NELL1: variants seen among roughly 807,000 people sequenced by gnomAD.
NELL1 encodes the protein neural EGFL like 1.
In NELL1, 76 loss-of-function variants were observed where a neutral mutation model predicts 107.4. The ratio of observed to expected loss-of-function variants is 0.71; its 90% CI spans 0.59 to 0.86. The LOEUF (loss-of-function observed/expected upper bound fraction) is 0.86, where lower values mean the gene tolerates loss of function less well. NELL1 is among the 40% of genes least tolerant of loss of function. The probability of loss-of-function intolerance (pLI) is 0.00; values close to 1 mark genes in which losing one functional copy is unlikely to be tolerated. For missense variants in NELL1, 1,024 were observed against 1,005.5 expected (o/e 1.02, Z -0.25); for synonymous variants, 353 against 341.2 (o/e 1.03, Z -0.38).
intron 12 of NELL1, among the ~76,000 whole-genome samples, chr11:21,109,345 C>A (rs1054805577): frequency 2.6e-5 from 4 of 152,050 alleles, no homozygotes; most frequent in Non-Finnish European, 5.9e-5. Flanking sequence ...TAAAATAGTT[C>A]GTCCTTCCAG....
intron 12 of NELL1, among the ~76,000 whole-genome samples, chr11:21,091,926 G>T (rs751635741): frequency 2.0e-5 from 3 of 152,198 alleles, no homozygotes; most frequent in Admixed American, 2.0e-4. Flanking sequence ...AGGGGGCCTA[G>T]TGTAAGGATG....
intron 12 of NELL1, among the ~76,000 whole-genome samples, chr11:21,033,173 T>G (rs907396591): frequency 1.3e-5 from 2 of 152,212 alleles, no homozygotes; most frequent in Non-Finnish European, 2.9e-5. Context: ...GCTGCTTTAT[T>G]ATGATTTATC....
At chr11:20,760,145 T>A (rs1240734202) in intron 2 of NELL1, among the ~76,000 whole-genome samples, 1 of 152,196 alleles carries the variant, frequency 6.6e-6, no homozygotes, top group East Asian at 1.9e-4. Context: ...GGTAGGTTGC[T>A]TACAGCTATA....
chr11:21,319,641 C>T lies in NELL1; in HGVS notation c.1550-51212C>T, dbSNP rs1235707734. Among the ~76,000 whole-genome samples, 6 of 151,490 alleles carry T rather than the reference C, an allele frequency of 4.0e-5. No individual in the cohort carries two copies. In the South Asian group the frequency reaches 8.3e-4, roughly 21 times the overall value. The stretch of plus-strand genomic sequence containing the variant: ...ACAAGCGTGTGTCACCGCGCCCAGC[C>T]GGAAACTATTCAAAAACAAACTCTT... On this transcript the variant is annotated intron_variant, in intron 14 of 19. Coordinates refer to ENST00000357134, the MANE Select transcript of NELL1 (RefSeq NM_006157.5).
intron 14 of NELL1, among the ~76,000 whole-genome samples, chr11:21,362,200 G>T (rs545150933): frequency 3.6e-4 from 55 of 152,300 alleles, no homozygotes; most frequent in African/African-American, 1.3e-3. Context: ...CTGATATAAT[G>T]CTCTCCCACT....
At chr11:20,886,482 A>C (rs904752384) in intron 5 of NELL1, among the ~76,000 whole-genome samples, 8 of 152,148 alleles carry the variant, frequency 5.3e-5, no homozygotes, top group African/African-American at 1.7e-4. Context: ...TTTAAAATTC[A>C]GCATTGTACT....
intron 13 of NELL1, among the ~76,000 whole-genome samples, chr11:21,127,807 C>T (rs1447309555): frequency 6.6e-6 from 1 of 152,164 alleles, no homozygotes; most frequent in African/African-American, 2.4e-5. Flanking sequence ...ATTTCATAAG[C>T]ATTGCCCAAA....
chr11:20,805,805 G>A (rs550320566), intron 3 of NELL1, among the ~76,000 whole-genome samples: 1 of 152,164 alleles, frequency 6.6e-6, no homozygotes, highest in Non-Finnish European at 1.5e-5. Context: ...CCTGGCCAAC[G>A]CATTATTTTA....
At chr11:21,337,645 A>C (rs538499400) in intron 14 of NELL1, among the ~76,000 whole-genome samples, 48 of 152,322 alleles carry the variant, frequency 3.2e-4, no homozygotes, top group African/African-American at 1.0e-3. Flanking sequence ...TATTTAGAGA[A>C]TGATGTCTCT....
chr11:20,692,139 A>T (rs1297553875), intron 2 of NELL1, among the ~76,000 whole-genome samples: 12 of 151,530 alleles, frequency 7.9e-5, no homozygotes, highest in Non-Finnish European at 1.6e-4. Context: ...TATCCCCTTT[A>T]TCATTTTTTA....
At chr11:20,718,717 C>T (rs947300896) in intron 2 of NELL1, among the ~76,000 whole-genome samples, 5 of 152,132 alleles carry the variant, frequency 3.3e-5, no homozygotes, top group African/African-American at 1.2e-4. Flanking sequence ...CTGTAATCTT[C>T]GTTAGTCTGG....
At chr11:20,789,306 A>C (rs553101827) in intron 3 of NELL1, among the ~76,000 whole-genome samples, 17 of 152,218 alleles carry the variant, frequency 1.1e-4, no homozygotes, top group Non-Finnish European at 2.1e-4. Flanking sequence ...GCACATTCAG[A>C]TACACCGGCT....
intron 15 of NELL1, among the ~76,000 whole-genome samples, chr11:21,388,232 A>T (rs548335205): frequency 1.3e-5 from 2 of 151,804 alleles, no homozygotes; most frequent in African/African-American, 4.8e-5. Flanking sequence ...GCATTTCTAC[A>T]TCGGGGCAGT....
chr11:20,824,114 C>T (rs2134028262), intron 3 of NELL1, among the ~76,000 whole-genome samples: 1 of 151,158 alleles, frequency 6.6e-6, no homozygotes, highest in African/African-American at 2.4e-5. Flanking sequence ...ATGCTGTTCT[C>T]ATGATAGTGA....
intron 13 of NELL1, chr11:21,169,988 G>A: frequency 7.5e-7 from 1 of 1,324,908 alleles, no homozygotes; most frequent in Non-Finnish European, 1.1e-6. Flanking sequence ...TGCAATGCGG[G>A]CTCCTCAGGC....
At chr11:21,214,631 GT>G (rs1857574071) in intron 13 of NELL1, among the ~76,000 whole-genome samples, 2 of 152,106 alleles carry the variant, frequency 1.3e-5, no homozygotes, top group Admixed American at 6.6e-5. Flanking sequence ...TCATTTGGTA[GT>G]TTTCTTGGAA....
intron 13 of NELL1, among the ~76,000 whole-genome samples, chr11:21,213,438 A>G (rs1272302597): frequency 6.6e-6 from 1 of 152,130 alleles, no homozygotes; most frequent in Non-Finnish European, 1.5e-5. Flanking sequence ...AATATTAAGG[A>G]TTTTTTTATA....
intron 12 of NELL1, among the ~76,000 whole-genome samples, chr11:21,109,102 C>A (rs7933049): frequency 4.6e-5 from 7 of 151,852 alleles, no homozygotes; most frequent in South Asian, 2.1e-4. Context: ...CACCTGATAA[C>A]CTCCGAGCCT....
At chr11:21,024,778 A>G (rs923388295) in intron 12 of NELL1, among the ~76,000 whole-genome samples, 5 of 152,266 alleles carry the variant, frequency 3.3e-5, no homozygotes, top group African/African-American at 1.2e-4. Context: ...ATAGTTTCTT[A>G]TAATTCAGAC....
Sources: allele counts gnomAD v4.1 joint callset (sites outside exome capture counted in the v4.1 genomes callset), GRCh38; gene constraint gnomAD v4.1.1; transcripts MANE v1.5; gene names NCBI Gene and HGNC (gene_info 2026-07-23, HGNC 2026-07-21).